Variants in TM2D3 observed in about 807,000 individuals in gnomAD.
TM2D3 encodes the protein TM2 domain containing 3.
TM2D3 carries 33 observed loss-of-function variants against 27.3 expected under a neutral mutation model. The observed-to-expected ratio is 1.21, with a 90% CI of 0.92 to 1.61. TM2D3 has a LOEUF of 1.61. Ranked by LOEUF, TM2D3 falls within the 40% of genes most tolerant of loss-of-function variation. The probability of loss-of-function intolerance (pLI) is 0.00; values close to 1 mark genes in which losing one functional copy is unlikely to be tolerated. For missense variants in TM2D3, 364 were observed against 320.8 expected (o/e 1.13, Z -1.03); for synonymous variants, 138 against 122.2 (o/e 1.13, Z -0.85).
At chr15:101,641,023 G>C (rs769830708), downstream of TM2D3, among the ~76,000 whole-genome samples, 1 of 152,186 alleles carries the variant, frequency 6.6e-6, no homozygotes, top group Non-Finnish European at 1.5e-5. Flanking sequence ...CACCTTGCAT[G>C]GTTGCTCAAC....
rs565480707 is a variant in TM2D3 at position 101,649,124 on chromosome 15, CTATT to C, written c.327+876_327+879del. ...CTTATATGTTTTTCATGTTATATAT[CTATT>C]TGTATTTCCTTTCCTATGAACCATC... On this transcript the variant is annotated intron_variant, in intron 3 of 5. Transcript: ENST00000333202. Among the ~76,000 whole-genome samples, 217 of 152,268 alleles carry C rather than the reference CTATT, an allele frequency of 1.4e-3. 1 individual carries two copies. Among genetic ancestry groups the C allele is most frequent in the African/African-American group, 5.1e-3 (210 of 41,562 alleles).
Position 101,650,215 on chromosome 15 carries a change from G to C in TM2D3, c.170-54C>G, listed in dbSNP as rs188662085. The C allele has an allele frequency of 6.3e-4, 973 of 1,549,830 alleles. 5 individuals are homozygous for C. In the African/African-American group the frequency reaches 0.011, roughly 17 times the overall value. ...TCCTATAATACTGATTCGAATAACA[G>C]AGAACAATCTTCTAAGGTTAAGAGA... On this transcript the variant is annotated intron_variant, in intron 2 of 5. Transcript: ENST00000333202.
At chr15:101,634,670 G>A (rs558132553) in intron 4 of TM2D3, 1 of 152,264 alleles carries the variant, frequency 6.6e-6, no homozygotes, top group African/African-American at 2.4e-5. Flanking sequence ...GTAACATTCA[G>A]CATGATAGAC....
At chr15:101,639,151 T>C (rs1263774136), downstream of TM2D3, among the ~76,000 whole-genome samples, 1 of 152,216 alleles carries the variant, frequency 6.6e-6, no homozygotes, top group Non-Finnish European at 1.5e-5. Context: ...AATTAACCAA[T>C]AGGTCTAGTG....
intron 2 of TM2D3, chr15:101,650,494 G>GA (rs56904808): frequency 1.1e-4 from 19 of 175,734 alleles, no homozygotes; most frequent in African/African-American, 2.6e-4. Context: ...TTTGTAAGTT[G>GA]AAAAAAAACT....
chr15:101,643,622 A>AG (rs1896727463), intron 5 of TM2D3, among the ~76,000 whole-genome samples: 1 of 111,808 alleles, frequency 8.9e-6, no homozygotes, highest in Non-Finnish European at 1.9e-5. Context: ...AAAAAAAAAA[A>AG]GCAAAAAAAA....
At chr15:101,640,803 C>T (rs186947320), downstream of TM2D3, among the ~76,000 whole-genome samples, 1 of 152,306 alleles carries the variant, frequency 6.6e-6, no homozygotes, top group African/African-American at 2.4e-5. Context: ...AGGGCTATGC[C>T]CTTGTGCAAA....
At chr15:101,646,423 G>T in intron 4 of TM2D3, 1 of 147,702 alleles carries the variant, frequency 6.8e-6, no homozygotes, top group Non-Finnish European at 1.6e-5. Context: ...GCACTCAGGC[G>T]GCCGCAATGG....
chr15:101,648,403 T>C (rs569558878), intron 3 of TM2D3: 4 of 152,330 alleles, frequency 2.6e-5, no homozygotes, highest in African/African-American at 9.6e-5. Flanking sequence ...AACAGTTGGA[T>C]CTGCAAAATA....
Position 101,642,411 on chromosome 15 carries a change from C to T in TM2D3, c.*68G>A. 2.0e-6 allele frequency: 3 copies of T among 1,484,320 alleles called. No homozygotes were observed. The highest frequency in any genetic ancestry group is 1.8e-6 in the Non-Finnish European group (2 of 1,113,616). 91.9% of individuals were successfully genotyped at this position (1,484,320 alleles called of 1,614,324 possible). A position where few individuals can be genotyped will look rare whatever the true frequency, so the allele number is the denominator to read the frequency against. ...AAAACATAGAAATATATCACTCACA[C>T]CACATCAACTCCTACGGACAAAAGG... is the stretch of plus-strand genomic sequence containing the variant. On this transcript the variant is annotated 3_prime_UTR_variant, in exon 6 of 6. Coordinates refer to ENST00000333202, the MANE Select transcript of TM2D3 (RefSeq NM_078474.3).
chr15:101,646,561 T>C (rs1896815158), intron 4 of TM2D3, 164 bp downstream of exon 4: 1 of 684,542 alleles, frequency 1.5e-6, no homozygotes, highest in Admixed American at 2.8e-5. Flanking sequence ...TCTGGATGCT[T>C]TACTTTAGTA....
chr15:101,649,930 ATCAAGTCTGAATTGTTCT>A, intron 3 of TM2D3, 56 bp downstream of exon 3: 1 of 1,374,600 alleles, frequency 7.3e-7, no homozygotes, highest in Non-Finnish European at 1.0e-6. Flanking sequence ...CTTCCCAATA[ATCAAGTCTGAATTGTTCT>A]TCTAACTTAA....
At chr15:101,644,676 T>A (rs956002151) in intron 5 of TM2D3, among the ~76,000 whole-genome samples, 2 of 152,354 alleles carry the variant, frequency 1.3e-5, no homozygotes, top group Non-Finnish European at 2.9e-5. Context: ...AAGCCTATAA[T>A]TATCTGCTGC....
downstream of TM2D3, among the ~76,000 whole-genome samples, chr15:101,640,318 C>T (rs936091303): frequency 2.6e-5 from 4 of 152,132 alleles, no homozygotes; most frequent in African/African-American, 9.7e-5. Context: ...CCAGAGAGAT[C>T]TTCCCTGCCT....
At chr15:101,643,623 G>GAAAAA (rs1567311253) in intron 5 of TM2D3, among the ~76,000 whole-genome samples, 1 of 62,700 alleles carries the variant, frequency 1.6e-5, no homozygotes, top group African/African-American at 6.0e-5. Context: ...AAAAAAAAAA[G>GAAAAA]CAAAAAAAAA....
intron 1 of TM2D3, 130 bp from the exon 2 acceptor site, chr15:101,651,903 C>T: frequency 1.1e-6 from 1 of 906,912 alleles, no homozygotes; most frequent in Non-Finnish European, 1.8e-6. Flanking sequence ...GGCTGGTCAG[C>T]CAGAAAACAC....
chr15:101,645,534 C>T (rs190200576), intron 4 of TM2D3: 14 of 199,990 alleles, frequency 7.0e-5, no homozygotes, highest in Admixed American at 1.8e-4. Context: ...AGGTCACACA[C>T]GGATCAACAG....
downstream of TM2D3, among the ~76,000 whole-genome samples, chr15:101,640,622 T>C (rs1364474221): frequency 3.9e-5 from 6 of 152,196 alleles, no homozygotes; most frequent in African/African-American, 1.4e-4. Flanking sequence ...GAAAGTATAG[T>C]TTTACTTTGC....
At chr15:101,646,998 G>C in intron 3 of TM2D3, 99 bp from the exon 4 acceptor site, 1 of 1,347,444 alleles carries the variant, frequency 7.4e-7, no homozygotes, top group South Asian at 1.3e-5. Context: ...TTCCGTAAAT[G>C]CTTGTATTTA....
Sources: gnomAD v4.1 joint callset for allele counts (sites outside exome capture counted in the v4.1 genomes callset) on GRCh38, gnomAD v4.1.1 for gene constraint, MANE v1.5 for transcripts, NCBI Gene and HGNC (gene_info 2026-07-23, HGNC 2026-07-21) for gene names.